Variants in CNTN6 observed in about 807,000 individuals in gnomAD.
CNTN6 encodes the protein contactin-6.
A neutral mutation model predicts 122.8 loss-of-function variants in CNTN6; 137 were observed. The ratio of observed to expected loss-of-function variants is 1.12; its 90% CI spans 0.97 to 1.29. The LOEUF (loss-of-function observed/expected upper bound fraction) is 1.29. Ranked by LOEUF, CNTN6 falls within the 50% of genes most tolerant of loss-of-function variation. The pLI is 0.00. For synonymous variants in CNTN6, 570 were observed against 426.0 expected (o/e 1.34, Z -4.16); for missense variants, 1,634 against 1,223.4 (o/e 1.34, Z -5.01).
intron 5 of CNTN6, among the ~76,000 whole-genome samples, chr3:1,291,549 G>A (rs533403285): frequency 2.0e-5 from 3 of 152,310 alleles, no homozygotes; most frequent in South Asian, 4.1e-4. Flanking sequence ...ATAAGGATCC[G>A]TAAGCTGAGA....
intron 12 of CNTN6, among the ~76,000 whole-genome samples, chr3:1,360,134 G>C (rs1575854067): frequency 6.6e-6 from 1 of 151,914 alleles, no homozygotes; most frequent in African/African-American, 2.4e-5. Flanking sequence ...TCTTTATTCT[G>C]TGTTTACATT....
At chr3:1,219,590 A>G (rs1303744695) in intron 2 of CNTN6, among the ~76,000 whole-genome samples, 2 of 152,206 alleles carry the variant, frequency 1.3e-5, no homozygotes, top group Non-Finnish European at 2.9e-5. Flanking sequence ...TGCCATTGAT[A>G]CCTGACTATT....
intron 1 of CNTN6, among the ~76,000 whole-genome samples, chr3:1,093,770 A>T (rs971085059): frequency 3.9e-5 from 6 of 152,272 alleles, no homozygotes; most frequent in African/African-American, 1.4e-4. Flanking sequence ...TAAGGTTCTT[A>T]TAATACTTTA....
At chr3:1,139,737 A>G (rs1349442653) in intron 1 of CNTN6, among the ~76,000 whole-genome samples, 1 of 152,292 alleles carries the variant, frequency 6.6e-6, no homozygotes, top group East Asian at 1.9e-4. Flanking sequence ...ACAAATTTGT[A>G]GAAAATAAAA....
intron 7 of CNTN6, among the ~76,000 whole-genome samples, chr3:1,312,169 A>C (rs1699432024): frequency 6.6e-6 from 1 of 151,916 alleles, no homozygotes; most frequent in Non-Finnish European, 1.5e-5. Context: ...GGCCTCTTTT[A>C]ATCTTAAAGA....
chr3:1,240,337 C>T (rs938325268), intron 4 of CNTN6, among the ~76,000 whole-genome samples: 1 of 152,070 alleles, frequency 6.6e-6, no homozygotes, highest in Non-Finnish European at 1.5e-5. Flanking sequence ...AAAAAACAAA[C>T]AATCCCATTA....
At chr3:1,122,593 C>G (rs1254339670) in intron 1 of CNTN6, among the ~76,000 whole-genome samples, 1 of 151,784 alleles carries the variant, frequency 6.6e-6, no homozygotes, top group Non-Finnish European at 1.5e-5. Context: ...TAGTAAATTT[C>G]TCCCCATTTT....
intron 11 of CNTN6, among the ~76,000 whole-genome samples, chr3:1,338,402 G>A (rs539082904): frequency 4.6e-5 from 7 of 152,084 alleles, no homozygotes; most frequent in Non-Finnish European, 1.0e-4. Flanking sequence ...CTGAATTTGT[G>A]TAAGTTCACT....
chr3:1,199,831 G>A (rs1054100273), intron 2 of CNTN6, among the ~76,000 whole-genome samples: 4 of 151,988 alleles, frequency 2.6e-5, no homozygotes, highest in African/African-American at 9.7e-5. Flanking sequence ...TCATTTTGGC[G>A]TTTGCAAAAA....
At chr3:1,116,698 CTTTTTTTTT>C (rs10594022) in intron 1 of CNTN6, among the ~76,000 whole-genome samples, 5 of 71,748 alleles carry the variant, frequency 7.0e-5, no homozygotes, top group Non-Finnish European at 1.1e-4. Context: ...GTCATCAAAT[CTTTTTTTTT>C]TTTTTTTTTT....
At chr3:1,235,647 C>T (rs1016173482) in intron 4 of CNTN6, among the ~76,000 whole-genome samples, 1 of 152,102 alleles carries the variant, frequency 6.6e-6, no homozygotes, top group African/African-American at 2.4e-5. Flanking sequence ...TGTGGAGACT[C>T]ACATCATACT....
intron 2 of CNTN6, among the ~76,000 whole-genome samples, chr3:1,200,141 C>T (rs1398355883): frequency 6.6e-6 from 1 of 152,126 alleles, no homozygotes; most frequent in Non-Finnish European, 1.5e-5. Flanking sequence ...TTAAGTGACT[C>T]TCCTGCTTCA....
In CNTN6 at chr3:1,278,886, CTGTT is replaced by C. The variant is rs200487616; in HGVS notation, c.454+395_454+398del. Among the ~76,000 whole-genome samples, 598 of 152,234 alleles carry C rather than the reference CTGTT, an allele frequency of 3.9e-3. 1 individual carries two copies. The highest frequency in any genetic ancestry group is 6.8e-3 in the South Asian group (33 of 4,826). On this transcript the variant is annotated intron_variant, in intron 5 of 22. Coordinates refer to ENST00000446702, the MANE Select transcript of CNTN6 (RefSeq NM_001289080.2). Reference sequence around the variant, plus strand: ...CTCATCTATAAAATAGAGACATTAACTGTTTGTTTGTTTGTTTGTTCAGTTTTGT... The same window carrying C: ...CTCATCTATAAAATAGAGACATTAACTGTTTGTTTGTTTGTTCAGTTTTGT...
chr3:1,208,667 A>G (rs2093991423), intron 2 of CNTN6, among the ~76,000 whole-genome samples: 1 of 152,104 alleles, frequency 6.6e-6, no homozygotes, highest in East Asian at 1.9e-4. Context: ...CTCAAAATTG[A>G]GCCTCACCAC....
chr3:1,136,049 G>A (rs1388889423), intron 1 of CNTN6, among the ~76,000 whole-genome samples: 1 of 152,092 alleles, frequency 6.6e-6, no homozygotes, highest in East Asian at 1.9e-4. Context: ...TGGCATGAAA[G>A]CAATTAAAAC....
intron 4 of CNTN6, among the ~76,000 whole-genome samples, chr3:1,250,296 G>A (rs1031575578): frequency 2.0e-5 from 3 of 152,146 alleles, no homozygotes; most frequent in African/African-American, 7.2e-5. Flanking sequence ...GCATGTCCCA[G>A]GTGGCAGATG....
intron 2 of CNTN6, among the ~76,000 whole-genome samples, chr3:1,156,367 A>G (rs957580335): frequency 2.6e-5 from 4 of 152,206 alleles, no homozygotes; most frequent in African/African-American, 9.6e-5. Context: ...GAATCAGGTC[A>G]TTTCTCTCAA....
intron 7 of CNTN6, among the ~76,000 whole-genome samples, chr3:1,316,951 A>G (rs1317455761): frequency 6.6e-6 from 1 of 151,914 alleles, no homozygotes; most frequent in Non-Finnish European, 1.5e-5. Flanking sequence ...TGCTCATTAA[A>G]ATGCATACAT....
In CNTN6 at chr3:1,131,845, C is replaced by T. The variant is rs907857415; in HGVS notation, c.-82-16082C>T. 5.3e-5 allele frequency among the ~76,000 whole-genome samples: 8 copies of T among 151,846 alleles called. No homozygotes were observed. In the South Asian group the frequency reaches 8.3e-4, roughly 16 times the overall value. ...AGTCACAGAGTACTTGGAGTGCCTG[C>T]GGGATGGAAAGTTTGAAGGAAAAAT... On this transcript the variant is annotated intron_variant, in intron 1 of 22. Coordinates refer to ENST00000446702, the MANE Select transcript of CNTN6 (RefSeq NM_001289080.2).
Sources: gnomAD v4.1 joint callset for allele counts (sites outside exome capture counted in the v4.1 genomes callset) on GRCh38, gnomAD v4.1.1 for gene constraint, MANE v1.5 for transcripts, NCBI Gene and HGNC (gene_info 2026-07-23, HGNC 2026-07-21) for gene names.